Variants in PDE1C observed in about 807,000 individuals in gnomAD.
The protein encoded by PDE1C is phosphodiesterase 1C.
Under a neutral mutation model 93.1 loss-of-function variants are expected in PDE1C, and 62 were observed. That is an observed-to-expected ratio of 0.67 (90% CI 0.54 to 0.82). The LOEUF (loss-of-function observed/expected upper bound fraction) is 0.82. Among genes scored for constraint, PDE1C ranks in the 40% least tolerant of loss-of-function variants. PDE1C has a pLI of 0.00. For synonymous variants in PDE1C, 325 were observed against 310.1 expected (o/e 1.05, Z -0.50); for missense variants, 742 against 884.6 (o/e 0.84, Z 2.04).
chr7:32,287,622 G>T (rs1344471431), intron 1 of PDE1C, among the ~76,000 whole-genome samples: 2 of 152,226 alleles, frequency 1.3e-5, no homozygotes, highest in Non-Finnish European at 2.9e-5. Context: ...ATAAAGACAG[G>T]CTAAGTGAGT....
At chr7:32,071,625 C>T (rs561723347), upstream of PDE1C, among the ~76,000 whole-genome samples, 1 of 152,102 alleles carries the variant, frequency 6.6e-6, no homozygotes, top group Non-Finnish European at 1.5e-5. Context: ...GCTGGCTGGG[C>T]GGCTGTGGAT....
intron 7 of PDE1C, among the ~76,000 whole-genome samples, chr7:31,854,365 CA>C (rs1489069088): frequency 6.6e-6 from 1 of 152,118 alleles, no homozygotes; most frequent in Non-Finnish European, 1.5e-5. Context: ...TATGTCAACC[CA>C]TAAGAAGTCA....
chr7:31,869,483 G>A (rs6976087), intron 6 of PDE1C, among the ~76,000 whole-genome samples: 11,791 of 151,984 alleles, frequency 0.078, 581 homozygotes, highest in Middle Eastern at 0.14. Context: ...ACTTATATCA[G>A]ATAAAACAGA....
chr7:31,971,366 T>C (rs1187403184), intron 2 of PDE1C, among the ~76,000 whole-genome samples: 1 of 152,146 alleles, frequency 6.6e-6, no homozygotes, highest in Non-Finnish European at 1.5e-5. Context: ...ACAGTTCCAA[T>C]ACCACCAGCT....
chr7:32,321,478 C>T (rs1783290857), intron 1 of PDE1C, among the ~76,000 whole-genome samples: 1 of 152,162 alleles, frequency 6.6e-6, no homozygotes, highest in Admixed American at 6.5e-5. Context: ...TTTTGGGTGG[C>T]TGTGGGAGTG....
chr7:31,647,415 A>G, the PDE1C span, among the ~76,000 whole-genome samples: 1 of 151,986 alleles, frequency 6.6e-6, no homozygotes, highest in Non-Finnish European at 1.5e-5. Flanking sequence ...TAATCCCAAC[A>G]CTTTGGGAGG....
the PDE1C span, among the ~76,000 whole-genome samples, chr7:31,745,948 T>C: frequency 6.6e-6 from 1 of 152,208 alleles, no homozygotes; most frequent in Admixed American, 6.5e-5. Flanking sequence ...GAGAGACCTT[T>C]GAGCAAGGTG....
At chr7:31,715,194 G>A in the PDE1C span, among the ~76,000 whole-genome samples, 1 of 150,922 alleles carries the variant, frequency 6.6e-6, no homozygotes, top group Non-Finnish European at 1.5e-5. Flanking sequence ...TATTATTATT[G>A]TTATTATTGT....
intron 2 of PDE1C, among the ~76,000 whole-genome samples, chr7:32,180,795 A>G (rs1047254591): frequency 6.6e-6 from 1 of 152,228 alleles, no homozygotes; most frequent in Admixed American, 6.5e-5. Context: ...TGCTATGTGG[A>G]ATTGTAATAT....
chr7:31,651,905 T>C, the PDE1C span: 28 of 1,476,854 alleles, frequency 1.9e-5, no homozygotes, highest in Non-Finnish European at 2.6e-5. Context: ...GGAAGGATTG[T>C]TAAATTTGGT....
intron 1 of PDE1C, among the ~76,000 whole-genome samples, chr7:32,389,018 T>C (rs189798528): frequency 6.6e-6 from 1 of 152,322 alleles, no homozygotes; most frequent in Admixed American, 6.5e-5. Flanking sequence ...ATGCATTGTA[T>C]TCAAACTGCA....
the PDE1C span, among the ~76,000 whole-genome samples, chr7:31,738,727 A>G: frequency 6.6e-6 from 1 of 152,274 alleles, no homozygotes; most frequent in East Asian, 1.9e-4. Context: ...TGAGGAAAAA[A>G]TAAGACTTGG....
intron 2 of PDE1C, among the ~76,000 whole-genome samples, chr7:31,911,351 T>A (rs1490026205): frequency 2.6e-5 from 4 of 152,168 alleles, no homozygotes; most frequent in Non-Finnish European, 5.9e-5. Context: ...TTTGTGGTGC[T>A]ACTTGTGGCC....
rs571776525 is a variant in PDE1C at position 31,910,199 on chromosome 7, T to A, written c.129-29339A>T. The stretch of plus-strand genomic sequence containing the variant: ...CAGGAATACTTTTCCCTGAAGATGG[T>A]CCTTTTCCCCAATTTCTTCCTTGAC... On this transcript the variant is annotated intron_variant, in intron 2 of 17. Coordinates refer to ENST00000396191, the MANE Select transcript of PDE1C (RefSeq NM_001191057.4). Among the ~76,000 whole-genome samples, 6 of 152,290 alleles carry A rather than the reference T, an allele frequency of 3.9e-5. No homozygotes were observed. The East Asian group carries it at 1.2e-3, about 29-fold the overall frequency.
At chr7:32,019,441 A>G (rs749339034) in intron 2 of PDE1C, among the ~76,000 whole-genome samples, 4 of 152,148 alleles carry the variant, frequency 2.6e-5, no homozygotes, top group Non-Finnish European at 5.9e-5. Context: ...GTTTCCTTAT[A>G]AAGGCCAGGC....
chr7:31,624,569 A>G, the PDE1C span, among the ~76,000 whole-genome samples: 2 of 140,922 alleles, frequency 1.4e-5, no homozygotes, highest in Middle Eastern at 3.4e-3. Flanking sequence ...GGCTAGCCAT[A>G]TGTAGAAAGC....
chr7:32,117,283 G>A (rs551708053), intron 3 of PDE1C, among the ~76,000 whole-genome samples: 2 of 152,190 alleles, frequency 1.3e-5, no homozygotes, highest in African/African-American at 4.8e-5. Context: ...CTATGGCCAC[G>A]CTCCACTAAT....
intron 3 of PDE1C, among the ~76,000 whole-genome samples, chr7:32,168,904 C>T (rs1365827988): frequency 3.3e-5 from 5 of 152,064 alleles, no homozygotes; most frequent in Admixed American, 6.6e-5. Context: ...ACTCCAACAG[C>T]TGTCTGAATT....
chr7:31,811,579 G>A (rs903538613), intron 15 of PDE1C, among the ~76,000 whole-genome samples: 1 of 152,114 alleles, frequency 6.6e-6, no homozygotes. Flanking sequence ...CTTGAGCACT[G>A]TAGTCAAACT....
Sources: allele counts gnomAD v4.1 joint callset (sites outside exome capture counted in the v4.1 genomes callset), GRCh38; gene constraint gnomAD v4.1.1; transcripts MANE v1.5; gene names NCBI Gene and HGNC (gene_info 2026-07-23, HGNC 2026-07-21).